Variants in TNRC6A observed in about 807,000 individuals in gnomAD.
The protein encoded by TNRC6A is trinucleotide repeat containing adaptor 6A.
Under a neutral mutation model 221.2 loss-of-function variants are expected in TNRC6A, and 44 were observed. The observed-to-expected ratio is 0.20, with a 90% CI of 0.16 to 0.26. The LOEUF is 0.26. Among genes scored for constraint, TNRC6A ranks in the 10% least tolerant of loss-of-function variants. The pLI, the probability that TNRC6A is intolerant of heterozygous loss-of-function variation, is 1.00. For missense variants in TNRC6A, 2,199 were observed against 2,404.4 expected (o/e 0.91, Z 1.79); for synonymous variants, 847 against 838.5 (o/e 1.01, Z -0.18).
chr16:24,725,452 A>G (rs755148254), upstream of TNRC6A, among the ~76,000 whole-genome samples: 6 of 151,932 alleles, frequency 3.9e-5, no homozygotes, highest in Non-Finnish European at 8.8e-5. Context: ...GCCAAATACA[A>G]TATGAAGCCT....
At chr16:24,669,269 TGG>T (rs1276710399) in intron 2 of TNRC6A, among the ~76,000 whole-genome samples, 3 of 152,038 alleles carry the variant, frequency 2.0e-5, no homozygotes, top group African/African-American at 7.2e-5. Context: ...GAGACTGAGT[TGG>T]GTGGACTGCT....
chr16:24,627,739 C>T (rs558955932), intron 1 of TNRC6A, among the ~76,000 whole-genome samples: 61 of 144,490 alleles, frequency 4.2e-4, no homozygotes, highest in Non-Finnish European at 8.5e-4. Flanking sequence ...GCTCTGTTGC[C>T]CAGGCTGGAG....
chr16:24,711,255 G>A (rs1459622199), intron 2 of TNRC6A, among the ~76,000 whole-genome samples: 2 of 152,160 alleles, frequency 1.3e-5, no homozygotes, highest in African/African-American at 4.8e-5. Context: ...TGATCATCCC[G>A]CCTCGGCCTC....
chr16:24,691,461 G>C (rs2055754516), intron 2 of TNRC6A, among the ~76,000 whole-genome samples: 1 of 151,970 alleles, frequency 6.6e-6, no homozygotes, highest in African/African-American at 2.4e-5. Flanking sequence ...GAAACATTTA[G>C]AAAAACATCT....
chr16:24,644,077 T>G (rs936551361), intron 2 of TNRC6A, among the ~76,000 whole-genome samples: 19 of 104,104 alleles, frequency 1.8e-4, no homozygotes, highest in Admixed American at 1.8e-3. Context: ...GTTTCTTATC[T>G]TTAATTTTTT....
At position 24,825,585 on chromosome 16, in the gene TNRC6A, T is replaced by C. The variant is rs767953715; in HGVS notation, c.*1778T>C. 6.5e-5 allele frequency: 10 copies of C among 152,690 alleles called. No homozygotes were observed. The highest frequency in any genetic ancestry group is 1.3e-4 in the Non-Finnish European group (9 of 68,050). 9.5% of individuals were successfully genotyped at this position (152,690 alleles called of 1,614,324 possible). On this transcript the variant is annotated 3_prime_UTR_variant, in exon 25 of 25. Transcript: ENST00000395799. ...AAATCTAAGCAAATATTTGAACATT[T>C]TATCTGAACTCATCACAATTTCACC...
chr16:24,787,160 G>A (rs1421620043), intron 5 of TNRC6A, among the ~76,000 whole-genome samples: 1 of 152,200 alleles, frequency 6.6e-6, no homozygotes, highest in Non-Finnish European at 1.5e-5. Flanking sequence ...TTTGCAGCCA[G>A]CACTGAGCTT....
At chr16:24,787,837 A>G (rs998816336) in intron 5 of TNRC6A, among the ~76,000 whole-genome samples, 13 of 152,314 alleles carry the variant, frequency 8.5e-5, no homozygotes, top group African/African-American at 2.9e-4. Context: ...CATTTTAGCA[A>G]ATCACCTTAA....
At chr16:24,716,298 T>C (rs1319557534) in intron 2 of TNRC6A, among the ~76,000 whole-genome samples, 1 of 152,164 alleles carries the variant, frequency 6.6e-6, no homozygotes, top group Non-Finnish European at 1.5e-5. Context: ...TTTTTAGCCG[T>C]TTCAGGAGGG....
intron 2 of TNRC6A, among the ~76,000 whole-genome samples, chr16:24,711,487 C>T (rs1471190332): frequency 6.6e-6 from 1 of 152,102 alleles, no homozygotes. Context: ...CTCACCCTTC[C>T]CCTGCAATCT....
rs2058805758 is a variant in TNRC6A at position 24,823,315 on chromosome 16, C to G, written c.5514-117C>G. On this transcript the variant is annotated intron_variant, in intron 24 of 24. Coordinates refer to ENST00000395799, the MANE Select transcript of TNRC6A (RefSeq NM_014494.4). This position sits in a 1 kb window ranked among gnomAD's most constrained non-coding sequence, Gnocchi z 4.3. ...GCACGCAGGTTATGTGGTGTAGTCT[C>G]TCCCTCTGTGCCTTCTGTGGCTTTT... 1 of 1,297,874 alleles carries G rather than the reference C, an allele frequency of 7.7e-7. No homozygotes were observed. The highest frequency in any genetic ancestry group is 1.5e-5 in the African/African-American group (1 of 67,658). 80.4% of individuals were successfully genotyped at this position (1,297,874 alleles called of 1,614,324 possible). A position where few individuals can be genotyped will look rare whatever the true frequency, so the allele number is the denominator to read the frequency against.
upstream of TNRC6A, among the ~76,000 whole-genome samples, chr16:24,729,166 C>G (rs999478915): frequency 1.5e-4 from 23 of 152,018 alleles, no homozygotes; most frequent in Non-Finnish European, 4.4e-5. Context: ...GGTATGCATT[C>G]TTTACCTGAG....
At chr16:24,704,706 A>T (rs2056062665) in intron 2 of TNRC6A, among the ~76,000 whole-genome samples, 3 of 151,458 alleles carry the variant, frequency 2.0e-5, no homozygotes, top group African/African-American at 7.3e-5. Flanking sequence ...AAAGAAAAAA[A>T]TTATGACATT....
At chr16:24,717,260 T>C (rs1369372824) in intron 2 of TNRC6A, among the ~76,000 whole-genome samples, 2 of 152,178 alleles carry the variant, frequency 1.3e-5, no homozygotes, top group African/African-American at 4.8e-5. Flanking sequence ...TCATTATTTA[T>C]TTTAATGTTC....
At chr16:24,678,430 A>G (rs1471270940) in intron 2 of TNRC6A, among the ~76,000 whole-genome samples, 1 of 152,176 alleles carries the variant, frequency 6.6e-6, no homozygotes, top group Non-Finnish European at 1.5e-5. Context: ...GAGAGAAGAC[A>G]GCTATTATGC....
intron 22 of TNRC6A, chr16:24,821,839 CTG>C (rs1308328167): frequency 9.1e-6 from 5 of 551,068 alleles, no homozygotes; most frequent in African/African-American, 1.9e-5. Flanking sequence ...CTGCCCTCCT[CTG>C]TGGTGAACTG....
chr16:24,754,221 T>C (rs1315806949), intron 3 of TNRC6A, among the ~76,000 whole-genome samples: 1 of 152,118 alleles, frequency 6.6e-6, no homozygotes, highest in Non-Finnish European at 1.5e-5. Context: ...TAACACAACT[T>C]CCTATAAAAA....
intron 3 of TNRC6A, among the ~76,000 whole-genome samples, chr16:24,756,288 A>G (rs1009478856): frequency 6.6e-6 from 1 of 152,182 alleles, no homozygotes; most frequent in African/African-American, 2.4e-5. Flanking sequence ...GTTGTTTTGG[A>G]TAGTGCAGAC....
Position 24,806,648 on chromosome 16 carries a change from G to A in TNRC6A, c.4404G>A (p.Gln1468=), listed in dbSNP as rs576354914. ...RQLDPNLLVK[Q]QTPPSQQQPL... ...TTGATCCAAACCTGTTGGTGAAGCA[G>A]CAGACTCCACCATCTCAGCAGCAGC... is the stretch of plus-strand genomic sequence containing the variant. Residue 1468 remains glutamine (Q), a synonymous_variant, in exon 17 of 25, where the codon CAG becomes CAA. Transcript: ENST00000395799. 9.9e-6 allele frequency: 16 copies of A among 1,614,164 alleles called. No homozygotes were observed. The East Asian group carries it at 3.1e-4, about 31-fold the overall frequency.
Sources: gnomAD v4.1 joint callset for allele counts (sites outside exome capture counted in the v4.1 genomes callset) on GRCh38, gnomAD v4.1.1 for gene constraint, Gnocchi (gnomAD v3.1) non-coding constraint, MANE v1.5 for transcripts, NCBI Gene and HGNC (gene_info 2026-07-23, HGNC 2026-07-21) for gene names.